SMOC1: variants seen among roughly 807,000 people sequenced by gnomAD.
SMOC1 encodes the protein SPARC-related modular calcium-binding protein 1.
In SMOC1, 22 loss-of-function variants were observed where a neutral mutation model predicts 56.3. The observed-to-expected ratio is 0.39, with a 90% confidence interval of 0.28 to 0.56. SMOC1 has a LOEUF of 0.56. Ranked by LOEUF, SMOC1 falls within the 20% of genes least tolerant of loss-of-function variation. The pLI is 0.61. For synonymous variants in SMOC1, 193 were observed against 215.0 expected, an observed-to-expected ratio of 0.90 and a Z score of 0.89; for missense variants, 509 against 565.4, an observed-to-expected ratio of 0.90 and a Z score of 1.01.
intron 5 of SMOC1, among the ~76,000 whole-genome samples, chr14:69,981,448 A>T (rs1436362711): frequency 1.3e-5 from 2 of 152,092 alleles, no homozygotes; most frequent in Non-Finnish European, 2.9e-5. Context: ...ATATCCATTG[A>T]TCTGGGGCAA....
In SMOC1 at chr14:69,992,482, T is replaced by C. The variant is rs746549362; in HGVS notation, c.583+9T>C. On this transcript the variant is annotated intron_variant, in intron 6 of 11. Coordinates refer to ENST00000361956, the MANE Select transcript of SMOC1 (RefSeq NM_001034852.3). ...GGTGTTCGATGGAGATGGTAAGATC[T>C]TGCATTACTTCTGATGTTCATTCTC... 1 of 1,606,308 alleles carries C rather than the reference T, an allele frequency of 6.2e-7. No homozygotes were observed. Among genetic ancestry groups the C allele is most frequent in the Non-Finnish European group, 8.5e-7 (1 of 1,172,810 alleles).
At chr14:69,998,519 A>C (rs933925764) in intron 7 of SMOC1, among the ~76,000 whole-genome samples, 1 of 152,140 alleles carries the variant, frequency 6.6e-6, no homozygotes, top group Non-Finnish European at 1.5e-5. Context: ...TATATGTTAC[A>C]GAAGATAAAG....
chr14:69,889,819 C>T (rs1371141475), intron 1 of SMOC1, among the ~76,000 whole-genome samples: 1 of 152,212 alleles, frequency 6.6e-6, no homozygotes, highest in Non-Finnish European at 1.5e-5. Context: ...CATTCCTCGG[C>T]TTGTGGCCCC....
intron 3 of SMOC1, 108 bp from the exon 4 acceptor site, chr14:69,975,607 G>T: frequency 1.2e-6 from 1 of 827,680 alleles, no homozygotes; most frequent in Non-Finnish European, 2.1e-6. Context: ...ATGAGAGGTG[G>T]AAGATGCTCT....
chr14:69,923,628 A>T (rs1167739319), intron 1 of SMOC1, among the ~76,000 whole-genome samples: 1 of 152,060 alleles, frequency 6.6e-6, no homozygotes, highest in African/African-American at 2.4e-5. Flanking sequence ...TTGGCTTTAG[A>T]TCCATACCCT....
At chr14:69,883,938 C>T (rs532535017) in intron 1 of SMOC1, among the ~76,000 whole-genome samples, 23 of 110,652 alleles carry the variant, frequency 2.1e-4, no homozygotes, top group African/African-American at 5.3e-4. Flanking sequence ...CTCGCTCTGT[C>T]GCCCAGGCCG....
chr14:69,954,486 A>G (rs999253187), intron 3 of SMOC1, among the ~76,000 whole-genome samples: 15 of 152,212 alleles, frequency 9.9e-5, no homozygotes, highest in Non-Finnish European at 2.1e-4. Context: ...GACTATTTCT[A>G]AAACACAGGC....
chr14:70,009,038 A>AG (rs149956340), intron 7 of SMOC1, among the ~76,000 whole-genome samples: 4,650 of 152,294 alleles, frequency 0.031, 124 homozygotes, highest in Middle Eastern at 0.14. Flanking sequence ...AGTTGGAGGC[A>AG]AAACCCAAGT....
chr14:70,025,290 GC>G (rs1885882218), intron 11 of SMOC1, among the ~76,000 whole-genome samples: 1 of 152,186 alleles, frequency 6.6e-6, no homozygotes, highest in Non-Finnish European at 1.5e-5. Context: ...AGATAAAAAG[GC>G]CTTTTCCTTG....
In SMOC1 at chr14:69,879,566, CCG is replaced by C; in HGVS notation, c.-111_-110del. The C allele has an allele frequency of 1.2e-6, 1 of 810,226 alleles. No individual in the cohort carries two copies. The highest frequency in any genetic ancestry group is 1.7e-6 in the Non-Finnish European group (1 of 580,662). 50.2% of individuals were successfully genotyped at this position (810,226 alleles called of 1,614,324 possible). On this transcript the variant is annotated 5_prime_UTR_variant, in exon 1 of 12. Coordinates refer to ENST00000361956, the MANE Select transcript of SMOC1 (RefSeq NM_001034852.3). ...CGAGCCCCCGCCGCAGGACCACGGC[CCG>C]CTCCCCGCCGCCGCGAGGGCCCCGA... is the stretch of plus-strand genomic sequence containing the variant.
At chr14:70,005,817 C>A (rs188151757) in intron 7 of SMOC1, among the ~76,000 whole-genome samples, 1 of 152,232 alleles carries the variant, frequency 6.6e-6, no homozygotes, top group Non-Finnish European at 1.5e-5. Flanking sequence ...CCTGGACAGC[C>A]CTGATTGTTC....
chr14:69,925,959 G>A (rs549510862), intron 1 of SMOC1, among the ~76,000 whole-genome samples: 2 of 151,958 alleles, frequency 1.3e-5, no homozygotes, highest in African/African-American at 2.4e-5. Flanking sequence ...AGCTCTTCCT[G>A]CCCCCCACTC....
intron 1 of SMOC1, among the ~76,000 whole-genome samples, chr14:69,916,750 G>C (rs1884697049): frequency 6.6e-6 from 1 of 152,192 alleles, no homozygotes. Context: ...GCCAGCCTAT[G>C]GGTAAGAACT....
intron 9 of SMOC1, among the ~76,000 whole-genome samples, chr14:70,012,970 T>C (rs977582360): frequency 5.3e-5 from 8 of 152,226 alleles, no homozygotes; most frequent in African/African-American, 1.9e-4. Flanking sequence ...CTCCCTCCTT[T>C]GTGCTCCCAC....
intron 10 of SMOC1, 110 bp downstream of exon 10, chr14:70,013,601 G>A (rs972600188): frequency 1.4e-5 from 13 of 912,450 alleles, no homozygotes; most frequent in Non-Finnish European, 2.0e-5. Context: ...GGCAAGGGCT[G>A]GAAGTTGATC....
chr14:69,929,516 C>T (rs899784833), intron 1 of SMOC1, among the ~76,000 whole-genome samples: 2 of 152,150 alleles, frequency 1.3e-5, no homozygotes, highest in African/African-American at 4.8e-5. Context: ...AAACGCCATA[C>T]TCTTAACTAC....
At position 69,886,573 on chromosome 14, in the gene SMOC1, C is replaced by T. The variant is rs17107383; in HGVS notation, c.99+6796C>T. 9.2e-5 allele frequency among the ~76,000 whole-genome samples: 14 copies of T among 152,268 alleles called. No individual in the cohort carries two copies. In the East Asian group the frequency reaches 1.4e-3, roughly 15 times the overall value. ...GCTGGGGGAAGAGAGACTCAACATG[C>T]GAATTTGAATAGGGAAACTGGCTTT... On this transcript the variant is annotated intron_variant, in intron 1 of 11. Coordinates refer to ENST00000361956, the MANE Select transcript of SMOC1 (RefSeq NM_001034852.3).
chr14:69,897,280 G>A (rs942899439), intron 1 of SMOC1, among the ~76,000 whole-genome samples: 7 of 152,174 alleles, frequency 4.6e-5, no homozygotes, highest in African/African-American at 1.4e-4. Flanking sequence ...ACTCCTTGCT[G>A]TTAGCATGAC....
At chr14:69,962,877 A>G (rs1346503117) in intron 3 of SMOC1, among the ~76,000 whole-genome samples, 2 of 152,174 alleles carry the variant, frequency 1.3e-5, no homozygotes, top group African/African-American at 4.8e-5. Flanking sequence ...GCGCCTGGCC[A>G]AAAAGCTTTA....
Sources: gnomAD v4.1 joint callset for allele counts (sites outside exome capture counted in the v4.1 genomes callset) on GRCh38, gnomAD v4.1.1 for gene constraint, MANE v1.5 for transcripts, NCBI Gene and HGNC (gene_info 2026-07-23, HGNC 2026-07-21) for gene names.